Variants in STRBP observed in about 807,000 individuals in gnomAD.
STRBP encodes spermatid perinuclear RNA binding protein.
STRBP carries 13 observed loss-of-function variants against 80.1 expected under a neutral mutation model. That is an observed-to-expected ratio of 0.16 (90% CI 0.11 to 0.26). The LOEUF (loss-of-function observed/expected upper bound fraction) is 0.26, where lower values mean the gene tolerates loss of function less well. Among genes scored for constraint, STRBP ranks in the 10% least tolerant of loss-of-function variants. The probability of loss-of-function intolerance (pLI) is 1.00; values close to 1 mark genes in which losing one functional copy is unlikely to be tolerated. For missense variants in STRBP, 485 were observed against 815.2 expected, an observed-to-expected ratio of 0.59 and a Z score of 4.93; for synonymous variants, 284 against 291.2, an observed-to-expected ratio of 0.98 and a Z score of 0.25.
intron 2 of STRBP, among the ~76,000 whole-genome samples, chr9:123,194,246 A>G (rs1002203308): frequency 1.3e-5 from 2 of 152,144 alleles, no homozygotes; most frequent in African/African-American, 2.4e-5. Context: ...CAAATTGCCA[A>G]CCTTGCTGCA....
intron 17 of STRBP, among the ~76,000 whole-genome samples, chr9:123,130,458 G>A (rs1331464473): frequency 5.9e-5 from 9 of 152,040 alleles, no homozygotes; most frequent in Admixed American, 6.6e-5. Context: ...GGCCATAAAC[G>A]GTTCCTTTCA....
intron 2 of STRBP, among the ~76,000 whole-genome samples, chr9:123,221,701 C>T (rs1262117525): frequency 6.6e-6 from 1 of 152,200 alleles, no homozygotes; most frequent in African/African-American, 2.4e-5. Flanking sequence ...GAACGCTCCA[C>T]ATTCTGATTT....
intron 6 of STRBP, among the ~76,000 whole-genome samples, chr9:123,166,793 A>AC (rs1167235129): frequency 1.7e-4 from 24 of 141,234 alleles, no homozygotes; most frequent in African/African-American, 6.0e-4. Flanking sequence ...AACAACAACA[A>AC]AAAAACAAGC....
chr9:123,240,782 T>C (rs1247270070), intron 1 of STRBP, among the ~76,000 whole-genome samples: 10 of 152,190 alleles, frequency 6.6e-5, no homozygotes, highest in Admixed American at 5.9e-4. Flanking sequence ...GTTTTATAAC[T>C]CTGTATAATG....
intron 1 of STRBP, among the ~76,000 whole-genome samples, chr9:123,241,688 T>A (rs1249173145): frequency 1.3e-5 from 2 of 152,104 alleles, no homozygotes; most frequent in African/African-American, 4.8e-5. Flanking sequence ...ACAGAACACA[T>A]CCTGTTGACT....
At chr9:123,253,997 G>C (rs2040969619) in intron 1 of STRBP, among the ~76,000 whole-genome samples, 1 of 152,094 alleles carries the variant, frequency 6.6e-6, no homozygotes, top group African/African-American at 2.4e-5. Flanking sequence ...CATTTAAACT[G>C]AATCGTTCAG....
chr9:123,129,611 A>G (rs2036049745), intron 17 of STRBP, among the ~76,000 whole-genome samples: 1 of 152,072 alleles, frequency 6.6e-6, no homozygotes, highest in South Asian at 2.1e-4. Flanking sequence ...AGTCTCCCAG[A>G]CTTGCTGTTC....
chr9:123,215,587 C>G (rs1037743754), intron 2 of STRBP, among the ~76,000 whole-genome samples: 1 of 152,084 alleles, frequency 6.6e-6, no homozygotes, highest in Non-Finnish European at 1.5e-5. Context: ...GAGTTTGAGA[C>G]CAGCCTGGCC....
chr9:123,257,237 T>C (rs1054967259), intron 1 of STRBP, among the ~76,000 whole-genome samples: 25 of 152,198 alleles, frequency 1.6e-4, no homozygotes, highest in African/African-American at 5.3e-4. Context: ...TCCCTCCATA[T>C]GGAATTCTCT....
intron 2 of STRBP, among the ~76,000 whole-genome samples, chr9:123,200,508 CT>C: frequency 6.6e-6 from 1 of 151,012 alleles, no homozygotes; most frequent in East Asian, 1.9e-4. Flanking sequence ...CTCTGAATGT[CT>C]GGTAGAATTC....
intron 1 of STRBP, among the ~76,000 whole-genome samples, chr9:123,243,565 C>T (rs2040741708): frequency 6.6e-6 from 1 of 152,004 alleles, no homozygotes; most frequent in Non-Finnish European, 1.5e-5. Context: ...AAACCACATA[C>T]CCAATAAAGG....
intron 2 of STRBP, among the ~76,000 whole-genome samples, chr9:123,199,378 C>T (rs1316522967): frequency 6.6e-6 from 1 of 152,104 alleles, no homozygotes; most frequent in African/African-American, 2.4e-5. Flanking sequence ...TTTTTGGTTC[C>T]ACACGAATTT....
intron 8 of STRBP, 51 bp downstream of exon 8, chr9:123,160,316 T>G (rs1259868572): frequency 7.4e-7 from 1 of 1,357,850 alleles, no homozygotes; most frequent in African/African-American, 1.4e-5. Context: ...TCTACAGGAT[T>G]TTCTCTGCTA....
chr9:123,220,880 C>G (rs566911293), intron 2 of STRBP, among the ~76,000 whole-genome samples: 1 of 151,952 alleles, frequency 6.6e-6, no homozygotes, highest in African/African-American at 2.4e-5. Context: ...AGAGCTAGTA[C>G]GCAGGATTGG....
chr9:123,182,217 T>TAAAAAAAAAAA (rs10546358), intron 3 of STRBP, among the ~76,000 whole-genome samples: 2 of 69,766 alleles, frequency 2.9e-5, no homozygotes, highest in Non-Finnish European at 7.1e-5. Context: ...TCCGTTTCTT[T>TAAAAAAAAAAA]AAAAAAAAAA....
At chr9:123,257,073 T>A (rs2041048961) in intron 1 of STRBP, among the ~76,000 whole-genome samples, 1 of 152,078 alleles carries the variant, frequency 6.6e-6, no homozygotes, top group African/African-American at 2.4e-5. Context: ...AGGCTTGAAT[T>A]CCTTATTCCT....
At chr9:123,249,909 C>T (rs996428528) in intron 1 of STRBP, among the ~76,000 whole-genome samples, 23 of 152,058 alleles carry the variant, frequency 1.5e-4, no homozygotes, top group Admixed American at 6.6e-4. Flanking sequence ...ACGTTGAAGA[C>T]GGAACATGAA....
At chr9:123,225,761 T>C (rs2040216132) in intron 2 of STRBP, among the ~76,000 whole-genome samples, 1 of 152,182 alleles carries the variant, frequency 6.6e-6, no homozygotes, top group Non-Finnish European at 1.5e-5. Flanking sequence ...CTCCAAGAGA[T>C]TCTGTGAGCC....
intron 16 of STRBP, among the ~76,000 whole-genome samples, chr9:123,134,788 A>C (rs145101479): frequency 6.6e-6 from 1 of 152,328 alleles, no homozygotes; most frequent in South Asian, 2.1e-4. Context: ...AAGATGTAAT[A>C]TGGGAAAAAA....
Sources: allele counts gnomAD v4.1 joint callset (sites outside exome capture counted in the v4.1 genomes callset), GRCh38; gene constraint gnomAD v4.1.1; transcripts MANE v1.5; gene names NCBI Gene and HGNC (gene_info 2026-07-23, HGNC 2026-07-21).